FASN: variants seen among roughly 807,000 people sequenced by gnomAD.
The protein encoded by FASN is 3-hydroxyacyl-[acyl-carrier-protein] dehydratase.
FASN carries 50 observed loss-of-function variants against 250.0 expected under a neutral mutation model. The ratio of observed to expected loss-of-function variants is 0.20; its 90% CI spans 0.16 to 0.25. The LOEUF (loss-of-function observed/expected upper bound fraction) is 0.25. Among genes scored for constraint, FASN ranks in the 10% least tolerant of loss-of-function variants. FASN has a pLI of 1.00. For missense variants in FASN, 3,031 were observed against 3,498.5 expected (o/e 0.87, Z 3.37); for synonymous variants, 1,909 against 1,584.0 (o/e 1.21, Z -4.87).
In FASN at chr17:82,090,444, G is replaced by C. The variant is rs1434334693; in HGVS notation, c.1801C>G (p.Leu601Val). 1 of 1,605,368 alleles carries C rather than the reference G, an allele frequency of 6.2e-7. No individual in the cohort carries two copies. Among genetic ancestry groups the C allele is most frequent in the Non-Finnish European group, 8.5e-7 (1 of 1,176,980 alleles). The stretch of plus-strand genomic sequence containing the variant: ...CACTGTCCCCTCCAGTAGGCAGCGA[G>C]GACGGCCTCCTCCTGGGACAGGCAG... ...DGCLSQEEAV[L>V]AAYWRGQCIK... is the part of the protein sequence containing the mutation. Residue 601 changes from leucine to valine, a missense_variant, in exon 11 of 43, where the codon CTC becomes GTC. Coordinates refer to ENST00000306749, the MANE Select transcript of FASN (RefSeq NM_004104.5).
chr17:82,091,753 A>C, intron 8 of FASN, 69 bp from the exon 9 acceptor site: 1 of 1,399,450 alleles, frequency 7.1e-7, no homozygotes. Flanking sequence ...GGGGGCAGGC[A>C]CCTCCCCGAG....
chr17:82,096,737 G>A, intron 1 of FASN: 1 of 471,664 alleles, frequency 2.1e-6, no homozygotes, highest in South Asian at 2.0e-5. Context: ...CTGCAGCCCT[G>A]GCCTCCCCAG....
In FASN at chr17:82,091,752, C is replaced by T. The variant is rs530722563; in HGVS notation, c.1030-68G>A. 32 of 1,408,600 alleles carry T rather than the reference C, an allele frequency of 2.3e-5. No individual in the cohort carries two copies. The African/African-American group carries it at 4.1e-4, about 18-fold the overall frequency. The allele number at this position is 1,408,600 out of a possible 1,614,324, so 87.3% of individuals were successfully genotyped here. A position where few individuals can be genotyped will look rare whatever the true frequency, so the allele number is the denominator to read the frequency against. On this transcript the variant is annotated intron_variant, in intron 8 of 42. Coordinates refer to ENST00000306749, the MANE Select transcript of FASN (RefSeq NM_004104.5). The stretch of plus-strand genomic sequence containing the variant: ...TACCACTGCCTGAGCTGGGGGCAGG[C>T]ACCTCCCCGAGACTCTCATGTGGGG...
intron 8 of FASN, 62 bp from the exon 9 acceptor site, chr17:82,091,746 G>T: frequency 1.4e-6 from 2 of 1,420,444 alleles, no homozygotes; most frequent in Non-Finnish European, 1.9e-6. Flanking sequence ...CTGAGCTGGG[G>T]GCAGGCACCT....
In FASN at chr17:82,085,863, A is replaced by G. The variant is rs2229422; in HGVS notation, c.3741T>C (p.Ala1247=). ...TGCGGGAATACAGGTGACCGTGGCCAGCCAGCACCTGTAGGGGGTGAATTC... is the reference window on the plus strand; with the variant it reads ...TGCGGGAATACAGGTGACCGTGGCCGGCCAGCACCTGTAGGGGGTGAATTC... The part of the protein sequence containing the change: ...SLKMKVVEVL[A]GHGHLYSRIP... Residue 1247 remains alanine (A), a synonymous_variant, in exon 23 of 43, where the codon GCT becomes GCC. Transcript: ENST00000306749. The G allele has an allele frequency of 0.31, 481,342 of 1,538,636 alleles. 78,209 individuals are homozygous for G. Among genetic ancestry groups the G allele is most frequent in the Non-Finnish European group, 0.34 (387,565 of 1,146,854 alleles).
chr17:82,084,023 C>T lies in FASN; in HGVS notation c.5050G>A (p.Ala1684Thr), dbSNP rs559784124. The T allele has an allele frequency of 1.8e-5, 27 of 1,539,750 alleles. No individual in the cohort carries two copies. In the Admixed American group the frequency reaches 2.6e-4, roughly 15 times the overall value. The stretch of plus-strand genomic sequence containing the variant: ...CCCAGACTGAGGGCGATGGCGATGG[C>T]GGCCTGGCCCACGCCGCCCGAGCCC... ...HSGSGGVGQA[A>T]IAIALSLGCR... is the part of the protein sequence containing the mutation. The change falls in exon 29 of 43, where the codon GCC becomes ACC. Residue 1684 changes from alanine (A) to threonine (T), a missense_variant. Ala to Thr is a moderately conservative substitution (Grantham distance 58). Coordinates refer to ENST00000306749, the MANE Select transcript of FASN (RefSeq NM_004104.5).
At chr17:82,093,456 G>A in intron 4 of FASN, 37 bp from the exon 5 acceptor site, 2 of 1,583,578 alleles carry the variant, frequency 1.3e-6, no homozygotes, top group South Asian at 1.1e-5. Flanking sequence ...GTGGGGCTGT[G>A]AGCACACGAG....
At position 82,087,856 on chromosome 17, in the gene FASN, C is replaced by A. The variant is rs1458563249; in HGVS notation, c.2872G>T (p.Val958Leu). The change falls in exon 19 of 43, where the codon GTG becomes TTG. Residue 958 changes from valine to leucine, a missense_variant. By Grantham distance (32) the Val-to-Leu change is conservative (BLOSUM62 1). Coordinates refer to ENST00000306749, the MANE Select transcript of FASN (RefSeq NM_004104.5). ...GGGTCAGGGTCATCCCACTGGTACACCTTCCCTGTGGAAAGGGAGGTGCGG... is the reference window on the plus strand; with the variant it reads ...GGGTCAGGGTCATCCCACTGGTACAACTTCCCTGTGGAAAGGGAGGTGCGG... ...ENGNLVVSGK[V>L]YQWDDPDPRL... The A allele has an allele frequency of 1.2e-6, 2 of 1,612,628 alleles. No homozygotes were observed. Among genetic ancestry groups the A allele is most frequent in the Admixed American group, 3.3e-5 (2 of 60,028 alleles).
intron 3 of FASN, chr17:82,094,013 G>C: frequency 1.7e-6 from 1 of 592,356 alleles, no homozygotes; most frequent in East Asian, 2.9e-5. Context: ...CCAGGTCACA[G>C]AGGGAACGAG....
chr17:82,095,220 G>A, intron 3 of FASN, 100 bp downstream of exon 3: 8 of 1,413,978 alleles, frequency 5.7e-6, no homozygotes, highest in East Asian at 2.3e-5. Context: ...GGTAGGTGGT[G>A]CCAGCACCTG....
rs1171719066 is a variant in FASN at position 82,091,412 on chromosome 17, C to T, written c.1302G>A (p.Val434=). The change falls in exon 9 of 43, where the codon GTG becomes GTA. Residue 434 remains valine (V), a synonymous_variant. Coordinates refer to ENST00000306749, the MANE Select transcript of FASN (RefSeq NM_004104.5). ...LRASGRTPEA[V]QKLLEQGLRH... ...GGAGGCCCTGCTCCAGCAGCTTCTGCACGGCCTCAGGGGTGCGTCCGCTGG... is the reference window on the plus strand; with the variant it reads ...GGAGGCCCTGCTCCAGCAGCTTCTGTACGGCCTCAGGGGTGCGTCCGCTGG... The T allele has an allele frequency of 6.2e-7, 1 of 1,609,880 alleles. No homozygotes were observed. Among genetic ancestry groups the T allele is most frequent in the South Asian group, 1.1e-5 (1 of 90,678 alleles).
At position 82,091,487 on chromosome 17, in the gene FASN, C is replaced by T. The variant is rs202158849; in HGVS notation, c.1227G>A (p.Gln409=). The T allele has an allele frequency of 1.2e-6, 2 of 1,604,674 alleles. No individual in the cohort carries two copies. The highest frequency in any genetic ancestry group is 1.7e-5 in the Admixed American group (1 of 58,820). The change falls in exon 9 of 43, where the codon CAG becomes CAA. Residue 409 remains glutamine (Q), a synonymous_variant. Transcript: ENST00000306749. ...NVHIILRPNT[Q]PPPAPAPHAT... is the part of the protein sequence containing the mutation. ...CATGTGGGGCGGGTGCGGGGGGCGG[C>T]TGCGTGTTGGGCCTCAGGATGATGT... is the stretch of plus-strand genomic sequence containing the variant.
Position 82,085,125 on chromosome 17 carries a change from G to A in FASN, c.4319C>T (p.Pro1440Leu). 4.3e-6 allele frequency: 7 copies of A among 1,612,664 alleles called. No homozygotes were observed. Among genetic ancestry groups the A allele is most frequent in the Non-Finnish European group, 5.9e-6 (7 of 1,179,932 alleles). Residue 1440 changes from proline (P) to leucine (L), a missense_variant, in exon 25 of 43, where the codon CCT (proline) becomes CTT (leucine). Physicochemically the swap from Pro to Leu is moderately conservative, Grantham distance 98. Coordinates refer to ENST00000306749, the MANE Select transcript of FASN (RefSeq NM_004104.5). ...ACAGTTGATGGCCTTCAGCCACACA[G>A]GCCGGGAAGAGTCTTCGTCAGCCAG... ...GILADEDSSR[P>L]VWLKAINCAT...
In FASN at chr17:82,086,422, A is replaced by C. The variant is rs1463590994; in HGVS notation, c.3564T>G (p.Leu1188=). 1 of 1,611,652 alleles carries C rather than the reference A, an allele frequency of 6.2e-7. No individual in the cohort carries two copies. Among genetic ancestry groups the C allele is most frequent in the Admixed American group, 1.7e-5 (1 of 60,014 alleles). Residue 1188 remains leucine (L), a synonymous_variant, in exon 22 of 43, where the codon CTT becomes CTG. Transcript: ENST00000306749. ...CCAGCTGCAGGTTCCCGTTGAGCTG[A>C]AGCCTGCAGGCAGCCGACAACAGCC... ...LPRLLSAACR[L]QLNGNLQLEL...
chr17:82,083,025 T>C lies in FASN; in HGVS notation c.5656A>G (p.Ser1886Gly). 1 of 1,612,796 alleles carries C rather than the reference T, an allele frequency of 6.2e-7. No homozygotes were observed. The highest frequency in any genetic ancestry group is 8.5e-7 in the Non-Finnish European group (1 of 1,179,980). Reference protein sequence around the residue: ...ISKTFCPAHKSYIIAGGLGGF... With the variant: ...ISKTFCPAHKGYIIAGGLGGF... ...CCCAGACCACCAGCGATGATGTAGC[T>C]CTTGTGGGCCGGGCAGAAGGTCTTG... The change falls in exon 33 of 43, where the codon AGC becomes GGC. Residue 1886 changes from serine to glycine, a missense_variant. Physicochemically the swap from Ser to Gly is moderately conservative, Grantham distance 56. Coordinates refer to ENST00000306749, the MANE Select transcript of FASN (RefSeq NM_004104.5).
chr17:82,088,152 C>T lies in FASN; in HGVS notation c.2749G>A (p.Val917Met). ...AGGATGGTGGCCTGGTGCAGCACCA[C>T]ATCCTCAAACACCACAGGCAGCTGC... is the stretch of plus-strand genomic sequence containing the variant. ...VEQLPVVFED[V>M]VLHQATILPK... The change falls in exon 17 of 43, where the codon GTG (valine) becomes ATG (methionine). Residue 917 changes from valine (V) to methionine (M), a missense_variant. Transcript: ENST00000306749. 1 of 1,612,838 alleles carries T rather than the reference C, an allele frequency of 6.2e-7. No homozygotes were observed. The highest frequency in any genetic ancestry group is 8.5e-7 in the Non-Finnish European group (1 of 1,179,992).
In FASN at chr17:82,083,035, C is replaced by G. The variant is rs373472882; in HGVS notation, c.5646G>C (p.Pro1882=). The change falls in exon 33 of 43, where the codon CCG becomes CCC. Residue 1882 remains proline, a synonymous_variant. Coordinates refer to ENST00000306749, the MANE Select transcript of FASN (RefSeq NM_004104.5). ...CAGCGATGATGTAGCTCTTGTGGGCCGGGCAGAAGGTCTTGGAGATGGCCG... is the reference window on the plus strand; with the variant it reads ...CAGCGATGATGTAGCTCTTGTGGGCGGGGCAGAAGGTCTTGGAGATGGCCG... ...LMSAISKTFC[P]AHKSYIIAGG... is the part of the protein sequence containing the mutation. The G allele has an allele frequency of 6.2e-7, 1 of 1,612,824 alleles. No homozygotes were observed. The highest frequency in any genetic ancestry group is 1.1e-5 in the South Asian group (1 of 91,084).
chr17:82,094,416 G>A (rs570821965), intron 3 of FASN, among the ~76,000 whole-genome samples: 4 of 150,704 alleles, frequency 2.7e-5, no homozygotes, highest in South Asian at 2.3e-4. Context: ...TGTGTGAACC[G>A]CTCACACCCA....
chr17:82,085,662 C>T lies in FASN; in HGVS notation c.3942G>A (p.Val1314=). 1 of 1,589,918 alleles carries T rather than the reference C, an allele frequency of 6.3e-7. No homozygotes were observed. The highest frequency in any genetic ancestry group is 1.3e-5 in the African/African-American group (1 of 74,454). ...CGAGGGCAGCCACAGCACAGTTGCA[C>T]ACCAGGAGGTCGGCGCTGCCCAGGG... ...PSALGSADLL[V]CNCAVAALGD... is the part of the protein sequence containing the mutation. Residue 1314 remains valine, a synonymous_variant, in exon 23 of 43, where the codon GTG becomes GTA. Transcript: ENST00000306749.
Sources: gnomAD v4.1 joint callset for allele counts (sites outside exome capture counted in the v4.1 genomes callset) on GRCh38, gnomAD v4.1.1 for gene constraint, MANE v1.5 for transcripts, NCBI Gene and HGNC (gene_info 2026-07-23, HGNC 2026-07-21) for gene names.